The following ERBB4 variants were observed in gnomAD, a reference collection of about 807,000 sequenced individuals.
ERBB4 encodes the protein receptor tyrosine-protein kinase erbB-4.
A neutral mutation model predicts 158.0 loss-of-function variants in ERBB4; 42 were observed. That is an observed-to-expected ratio of 0.27 (90% CI 0.21 to 0.34). The LOEUF (loss-of-function observed/expected upper bound fraction) is 0.34, where lower values mean the gene tolerates loss of function less well. Ranked by LOEUF, ERBB4 falls within the 10% of genes least tolerant of loss-of-function variation. The probability of loss-of-function intolerance (pLI) is 1.00; values close to 1 mark genes in which losing one functional copy is unlikely to be tolerated. For synonymous variants in ERBB4, 583 were observed against 558.7 expected (o/e 1.04, Z -0.61); for missense variants, 1,333 against 1,624.1 (o/e 0.82, Z 3.08).
At chr2:211,663,329 A>C (rs1310563905) in intron 15 of ERBB4, among the ~76,000 whole-genome samples, 34 of 152,216 alleles carry the variant, frequency 2.2e-4, no homozygotes, top group Non-Finnish European at 5.9e-5. Flanking sequence ...AAAATCCTTC[A>C]GGATTAAGTC....
At chr2:212,513,719 G>C (rs2106288106) in intron 1 of ERBB4, among the ~76,000 whole-genome samples, 1 of 152,294 alleles carries the variant, frequency 6.6e-6, no homozygotes, top group South Asian at 2.1e-4. Context: ...GGCTGAGGCA[G>C]GAGAATGGCA....
In ERBB4 at chr2:212,215,064, G is replaced by T. The variant is rs1343874865; in HGVS notation, c.83-90161C>A. Among the ~76,000 whole-genome samples, 19 of 151,540 alleles carry T rather than the reference G, an allele frequency of 1.3e-4. No homozygotes were observed. In the Admixed American group the frequency reaches 1.3e-3, roughly 10 times the overall value. ...GTTAACCTATAATGTTAAGGAATCAGGTTGTGATAACTTTGAGGGGAAGAG... is the reference window on the plus strand; with the variant it reads ...GTTAACCTATAATGTTAAGGAATCATGTTGTGATAACTTTGAGGGGAAGAG... On this transcript the variant is annotated intron_variant, in intron 1 of 27. Transcript: ENST00000342788.
At chr2:211,671,010 A>G (rs1851169) in intron 14 of ERBB4, among the ~76,000 whole-genome samples, 55,218 of 151,992 alleles carry the variant, frequency 0.36, 10,996 homozygotes, top group Middle Eastern at 0.5. Context: ...TTTTTATGAA[A>G]TTAGAAAAAA....
At chr2:212,231,788 A>C (rs1011196480) in intron 1 of ERBB4, among the ~76,000 whole-genome samples, 1 of 152,300 alleles carries the variant, frequency 6.6e-6, no homozygotes, top group Middle Eastern at 3.4e-3. Flanking sequence ...ATTTTGACAA[A>C]GTCTTGCAAT....
chr2:211,735,036 A>G (rs1451850839), intron 5 of ERBB4, among the ~76,000 whole-genome samples: 1 of 152,106 alleles, frequency 6.6e-6, no homozygotes, highest in Non-Finnish European at 1.5e-5. Flanking sequence ...TTTTTGTAAA[A>G]CACACAGAAC....
At chr2:212,001,284 T>C (rs1001176270) in intron 2 of ERBB4, among the ~76,000 whole-genome samples, 3 of 152,148 alleles carry the variant, frequency 2.0e-5, no homozygotes, top group Admixed American at 6.5e-5. Flanking sequence ...GCAATACCCT[T>C]AAACTTCTTA....
chr2:211,462,749 A>G (rs555140309), intron 20 of ERBB4, among the ~76,000 whole-genome samples: 2 of 152,148 alleles, frequency 1.3e-5, no homozygotes, highest in Non-Finnish European at 1.5e-5. Flanking sequence ...GCAACAAACT[A>G]TTTAAGTGAA....
intron 1 of ERBB4, among the ~76,000 whole-genome samples, chr2:212,191,792 CTATATGTTA>C (rs901209060): frequency 3.1e-5 from 4 of 129,734 alleles, no homozygotes; most frequent in Non-Finnish European, 6.5e-5. Flanking sequence ...GTTATATGTT[CTATATGTTA>C]TATATAATAC....
At chr2:211,927,105 C>T (rs1007218288) in intron 3 of ERBB4, among the ~76,000 whole-genome samples, 2 of 152,090 alleles carry the variant, frequency 1.3e-5, no homozygotes, top group African/African-American at 4.8e-5. Flanking sequence ...TAGAGAAGAT[C>T]TTTGTTTCCA....
intron 1 of ERBB4, among the ~76,000 whole-genome samples, chr2:212,236,472 T>A (rs1184212548): frequency 3.3e-5 from 5 of 152,256 alleles, no homozygotes; most frequent in African/African-American, 1.2e-4. Context: ...AGGATGATGC[T>A]GGCCTCATAA....
At chr2:211,825,475 A>G (rs2077081833) in intron 3 of ERBB4, among the ~76,000 whole-genome samples, 1 of 151,776 alleles carries the variant, frequency 6.6e-6, no homozygotes, top group Admixed American at 6.6e-5. Context: ...CAACAAATTA[A>G]ATCCCATTTC....
chr2:211,951,873 T>C (rs565111060), intron 2 of ERBB4, among the ~76,000 whole-genome samples: 9 of 152,156 alleles, frequency 5.9e-5, no homozygotes, highest in Non-Finnish European at 1.3e-4. Context: ...TGAGAATGCA[T>C]GTCTAAGCCA....
intron 2 of ERBB4, among the ~76,000 whole-genome samples, chr2:212,049,355 A>T (rs548079176): frequency 1.6e-4 from 25 of 152,130 alleles, no homozygotes; most frequent in Non-Finnish European, 2.5e-4. Context: ...CATTTTTTTT[A>T]AATTAATTTT....
In ERBB4 at chr2:212,505,793, A is replaced by G. The variant is rs1691163235; in HGVS notation, c.82+32656T>C. Reference sequence around the variant, plus strand: ...CTTGCTTGCTGCAACATGAGTAATAAAAGTCCTTTGTTTCTGACTCAGTAC... The same window carrying G: ...CTTGCTTGCTGCAACATGAGTAATAGAAGTCCTTTGTTTCTGACTCAGTAC... On this transcript the variant is annotated intron_variant, in intron 1 of 27. Coordinates refer to ENST00000342788, the MANE Select transcript of ERBB4 (RefSeq NM_005235.3). 2.0e-5 allele frequency among the ~76,000 whole-genome samples: 3 copies of G among 148,940 alleles called. 1 individual carries two copies. The highest frequency in any genetic ancestry group is 3.0e-5 in the Non-Finnish European group (2 of 66,028).
intron 19 of ERBB4, among the ~76,000 whole-genome samples, chr2:211,606,459 A>G (rs1407576451): frequency 6.7e-6 from 1 of 149,406 alleles, no homozygotes; most frequent in Non-Finnish European, 1.5e-5. Flanking sequence ...TTTTTTTTCT[A>G]TAGGCTGTTA....
chr2:211,897,041 TTAA>T (rs1303639505), intron 3 of ERBB4, among the ~76,000 whole-genome samples: 2 of 150,306 alleles, frequency 1.3e-5, no homozygotes, highest in African/African-American at 4.9e-5. Flanking sequence ...GTAATTATTA[TTAA>T]TATTATACAA....
intron 3 of ERBB4, among the ~76,000 whole-genome samples, chr2:211,929,207 A>T (rs2125094549): frequency 1.3e-5 from 2 of 151,690 alleles, no homozygotes; most frequent in Middle Eastern, 6.8e-3. Flanking sequence ...ATACAAACAT[A>T]GAACTTGACT....
intron 4 of ERBB4, among the ~76,000 whole-genome samples, chr2:211,753,864 T>TTC (rs2075211037): frequency 6.9e-6 from 1 of 144,378 alleles, no homozygotes; most frequent in Non-Finnish European, 1.5e-5. Context: ...ATTTTTTTTT[T>TTC]TTTTTTTTTT....
At chr2:212,093,046 G>A (rs2078826477) in intron 2 of ERBB4, among the ~76,000 whole-genome samples, 1 of 152,140 alleles carries the variant, frequency 6.6e-6, no homozygotes, top group African/African-American at 2.4e-5. Context: ...ACCTCAGTTT[G>A]CTTAACTACC....
Sources: allele counts gnomAD v4.1 joint callset (sites outside exome capture counted in the v4.1 genomes callset), GRCh38; gene constraint gnomAD v4.1.1; transcripts MANE v1.5; gene names NCBI Gene and HGNC (gene_info 2026-07-23, HGNC 2026-07-21).